Variants in ELFN1 observed in about 807,000 individuals in gnomAD.
ELFN1 encodes the protein extracellular leucine rich repeat and fibronectin type III domain containing 1.
ELFN1 carries 6 observed loss-of-function variants against 7.6 expected under a neutral mutation model. The ratio of observed to expected loss-of-function variants is 0.79; its 90% confidence interval spans 0.43 to 1.56. The LOEUF (loss-of-function observed/expected upper bound fraction) is 1.56, where lower values mean the gene tolerates loss of function less well. Ranked by LOEUF, ELFN1 falls within the 40% of genes most tolerant of loss-of-function variation. ELFN1 has a pLI of 0.01. For synonymous variants in ELFN1, 657 were observed against 588.1 expected (o/e 1.12, Z -1.70); for missense variants, 1,169 against 1,232.2 (o/e 0.95, Z 0.77).
intron 3 of ELFN1, among the ~76,000 whole-genome samples, chr7:1,742,916 A>G (rs932199788): frequency 1.3e-5 from 2 of 152,252 alleles, no homozygotes; most frequent in African/African-American, 4.8e-5. Flanking sequence ...CGTCAATATC[A>G]GTGAAATACA....
rs1778741413 is a variant in ELFN1 at position 1,670,396 on chromosome 7, G to A, written c.-549+42G>A. On this transcript the variant is annotated intron_variant, in intron 1 of 3. Coordinates refer to ENST00000424383, the MANE Select transcript of ELFN1 (RefSeq NM_001128636.4). The surrounding 1 kb of genome is among the most constrained non-coding windows in gnomAD (Gnocchi z 6.4). Reference sequence around the variant, plus strand: ...GCCGGGCGCTGAACCTGGGGGACTTGGGACCCGGACCACCCCCGGGGAGCG... The same window carrying A: ...GCCGGGCGCTGAACCTGGGGGACTTAGGACCCGGACCACCCCCGGGGAGCG... Among the ~76,000 whole-genome samples the A allele has an allele frequency of 6.6e-6, 1 of 151,602 alleles. No homozygotes were observed. The highest frequency in any genetic ancestry group is 2.4e-5 in the African/African-American group (1 of 41,284).
chr7:1,693,937 G>A (rs934342275), intron 2 of ELFN1: 1 of 393,728 alleles, frequency 2.5e-6, no homozygotes, highest in Admixed American at 3.0e-5. Flanking sequence ...CAGCACTCGG[G>A]AAGCCCCCGT....
chr7:1,746,519 G>T lies in ELFN1; in HGVS notation c.1923G>T (p.Ser641=), dbSNP rs1433024576. ...CCGGGCCCCCTCGTGCCAGCACCTC[G>T]TCCAGCGGCTCCGTGCGCAGCCCCC... ...EAAGPPRAST[S]SSGSVRSPRA... Residue 641 remains serine (S), a synonymous_variant, in exon 4 of 4, where the codon TCG becomes TCT. Coordinates refer to ENST00000424383, the MANE Select transcript of ELFN1 (RefSeq NM_001128636.4). The T allele has an allele frequency of 6.8e-7, 1 of 1,463,680 alleles. No homozygotes were observed. Among genetic ancestry groups the T allele is most frequent in the African/African-American group, 1.5e-5 (1 of 67,652 alleles). The allele number at this position is 1,463,680 out of a possible 1,614,324, so 90.7% of individuals were successfully genotyped here. A position where few individuals can be genotyped will look rare whatever the true frequency, so the allele number is the denominator to read the frequency against.
At chr7:1,671,311 G>GA (rs1197996023) in intron 1 of ELFN1, among the ~76,000 whole-genome samples, 1 of 152,108 alleles carries the variant, frequency 6.6e-6, no homozygotes, top group African/African-American at 2.4e-5. Context: ...CATGCCTTCT[G>GA]AAAAAAACGA....
intron 3 of ELFN1, among the ~76,000 whole-genome samples, chr7:1,714,315 C>T (rs1779762233): frequency 6.6e-6 from 1 of 152,158 alleles, no homozygotes; most frequent in African/African-American, 2.4e-5. Context: ...CCCGCTCCCC[C>T]TGCCCGGGAC....
Position 1,705,407 on chromosome 7 carries a change from C to G in ELFN1, c.-455-3684C>G, listed in dbSNP as rs1779510610. 6.6e-6 allele frequency among the ~76,000 whole-genome samples: 1 copy of G among 152,240 alleles called. No homozygotes were observed. Among genetic ancestry groups the G allele is most frequent in the Admixed American group, 6.5e-5 (1 of 15,288 alleles). The stretch of plus-strand genomic sequence containing the variant: ...TCCAACCCTCTCACCCGGACATTTG[C>G]AAGTTGATGAGTTGTTCTTCATCCT... On this transcript the variant is annotated intron_variant, in intron 2 of 3. Transcript: ENST00000424383. The surrounding 1 kb of genome is among the most constrained non-coding windows in gnomAD (Gnocchi z 4.3).
intron 3 of ELFN1, among the ~76,000 whole-genome samples, chr7:1,733,757 A>G (rs1036500701): frequency 6.6e-6 from 1 of 152,210 alleles, no homozygotes; most frequent in African/African-American, 2.4e-5. Flanking sequence ...CACAATTAAC[A>G]GCAGCCAGGA....
chr7:1,711,575 T>TGAGAGAGAGAGAGA (rs55658122), intron 3 of ELFN1, among the ~76,000 whole-genome samples: 11 of 87,572 alleles, frequency 1.3e-4, no homozygotes, highest in East Asian at 3.7e-4. Context: ...AGCGAGAGAG[T>TGAGAGAGAGAGAGA]GAGAGAGAGA....
At chr7:1,743,179 G>A (rs1406303660) in intron 3 of ELFN1, among the ~76,000 whole-genome samples, 3 of 152,126 alleles carry the variant, frequency 2.0e-5, no homozygotes, top group Non-Finnish European at 4.4e-5. Flanking sequence ...TCCTGCCTGG[G>A]GCTTCCCCGC....
At chr7:1,677,901 G>C (rs1362899440) in intron 1 of ELFN1, among the ~76,000 whole-genome samples, 3 of 152,084 alleles carry the variant, frequency 2.0e-5, no homozygotes, top group African/African-American at 7.2e-5. Flanking sequence ...GGGTAGGCAG[G>C]GAGGGACGTC....
intron 1 of ELFN1, among the ~76,000 whole-genome samples, chr7:1,676,531 G>C (rs1046415484): frequency 3.3e-5 from 5 of 152,244 alleles, no homozygotes; most frequent in African/African-American, 1.2e-4. Flanking sequence ...ACCAGTTCTG[G>C]AAAGGGCAGA....
At chr7:1,723,290 T>C (rs1205510513) in intron 3 of ELFN1, among the ~76,000 whole-genome samples, 1 of 152,254 alleles carries the variant, frequency 6.6e-6, no homozygotes, top group African/African-American at 2.4e-5. Context: ...GGATTTGCGG[T>C]GTTGTGCGAC....
At chr7:1,743,123 A>G (rs1780675664) in intron 3 of ELFN1, among the ~76,000 whole-genome samples, 1 of 152,082 alleles carries the variant, frequency 6.6e-6, no homozygotes, top group Admixed American at 6.5e-5. Context: ...GCCCAGCGGG[A>G]TGCCTCGCTC....
chr7:1,721,339 C>G (rs1012047328), intron 3 of ELFN1, among the ~76,000 whole-genome samples: 3 of 152,358 alleles, frequency 2.0e-5, no homozygotes, highest in South Asian at 2.1e-4. Context: ...CTTTCCCTCT[C>G]AGGGCCTAAG....
intron 3 of ELFN1, among the ~76,000 whole-genome samples, chr7:1,736,499 A>G (rs1259744552): frequency 6.6e-6 from 1 of 152,254 alleles, no homozygotes; most frequent in Non-Finnish European, 1.5e-5. Context: ...AAAAGCCTGG[A>G]ACCACCATAT....
At position 1,671,581 on chromosome 7, in the gene ELFN1, C is replaced by G. The variant is rs532874509; in HGVS notation, c.-549+1227C>G. On this transcript the variant is annotated intron_variant, in intron 1 of 3. Coordinates refer to ENST00000424383, the MANE Select transcript of ELFN1 (RefSeq NM_001128636.4). ...CCCATATTGCCTCTCTCAGGGGCTG[C>G]CCCCTAGAGAGGCCCCCAGCCTCCA... 1.8e-4 allele frequency among the ~76,000 whole-genome samples: 28 copies of G among 152,332 alleles called. No individual in the cohort carries two copies. In the South Asian group the frequency reaches 5.2e-3, roughly 28 times the overall value.
At chr7:1,684,481 T>G (rs571501534) in intron 1 of ELFN1, among the ~76,000 whole-genome samples, 2 of 152,282 alleles carry the variant, frequency 1.3e-5, no homozygotes, top group South Asian at 4.1e-4. Flanking sequence ...TTTTTTTATT[T>G]CTTATGGTCG....
chr7:1,694,556 G>A (rs1779258472), intron 2 of ELFN1, among the ~76,000 whole-genome samples: 1 of 152,168 alleles, frequency 6.6e-6, no homozygotes, highest in Admixed American at 6.5e-5. Flanking sequence ...CAATAGGCCG[G>A]AGCTTATGCC....
At position 1,692,918 on chromosome 7, in the gene ELFN1, A is replaced by T. The variant is rs776970666; in HGVS notation, c.-456+4768A>T. The T allele has an allele frequency of 1.5e-5, 3 of 206,380 alleles. No homozygotes were observed. In the Admixed American group the frequency reaches 1.5e-4, roughly 11 times the overall value. 12.8% of individuals were successfully genotyped at this position (206,380 alleles called of 1,614,324 possible). A position where few individuals can be genotyped will look rare whatever the true frequency, so the allele number is the denominator to read the frequency against. On this transcript the variant is annotated intron_variant, in intron 2 of 3. Coordinates refer to ENST00000424383, the MANE Select transcript of ELFN1 (RefSeq NM_001128636.4). ...GCCACATCAGCTTCCGCCTCTATGT[A>T]CCCTGCAGGGAACGGCAGGGACCTC... is the stretch of plus-strand genomic sequence containing the variant.
Sources: allele counts gnomAD v4.1 joint callset (sites outside exome capture counted in the v4.1 genomes callset), GRCh38; gene constraint gnomAD v4.1.1; non-coding constraint Gnocchi (gnomAD v3.1); transcripts MANE v1.5; gene names NCBI Gene and HGNC (gene_info 2026-07-23, HGNC 2026-07-21).